The following KIF13A variants were observed in gnomAD, a reference collection of about 807,000 sequenced individuals.
KIF13A encodes kinesin-like protein KIF13A.
A neutral mutation model predicts 212.2 loss-of-function variants in KIF13A; 79 were observed. The ratio of observed to expected loss-of-function variants is 0.37; its 90% CI spans 0.31 to 0.45. The LOEUF is 0.45. KIF13A is among the 20% of genes least tolerant of loss of function. KIF13A has a pLI of 1.00. For synonymous variants in KIF13A, 789 were observed against 808.6 expected, an observed-to-expected ratio of 0.98 and a Z score of 0.41; for missense variants, 1,901 against 2,209.0, an observed-to-expected ratio of 0.86 and a Z score of 2.79.
At chr6:17,781,465 C>T (rs1241079478) in intron 29 of KIF13A, among the ~76,000 whole-genome samples, 164 bp from the exon 30 acceptor site, 2 of 152,018 alleles carry the variant, frequency 1.3e-5, no homozygotes, top group Admixed American at 1.3e-4. Flanking sequence ...CTCCAAGACT[C>T]ACAACAGCTT....
chr6:17,937,746 G>T (rs796075584), intron 2 of KIF13A, among the ~76,000 whole-genome samples: 12,348 of 135,500 alleles, frequency 0.091, 646 homozygotes, highest in African/African-American at 0.15. Flanking sequence ...TTCCTTTTTT[G>T]TTTTTTTTTT....
At chr6:17,950,508 T>C (rs1777755199) in intron 2 of KIF13A, 2 of 985,204 alleles carry the variant, frequency 2.0e-6, no homozygotes, top group African/African-American at 3.5e-5. Context: ...GACCAACAGA[T>C]AGAAGAACAT....
intron 33 of KIF13A, among the ~76,000 whole-genome samples, chr6:17,778,409 T>A (rs1012289527): frequency 6.6e-5 from 10 of 152,358 alleles, no homozygotes; most frequent in Admixed American, 4.6e-4. Context: ...TAATGTCAAC[T>A]ATTGCTCCTA....
At chr6:17,874,978 C>A (rs985713743) in intron 3 of KIF13A, among the ~76,000 whole-genome samples, 3 of 86,284 alleles carry the variant, frequency 3.5e-5, no homozygotes, top group Admixed American at 3.2e-4. Flanking sequence ...AGTATTCCAC[C>A]ACACACACAC....
rs1315445577 is a variant in KIF13A at position 17,872,454 on chromosome 6, A to G, written c.220+923T>C. Among the ~76,000 whole-genome samples the G allele has an allele frequency of 6.6e-6, 1 of 152,172 alleles. No individual in the cohort carries two copies. The highest frequency in any genetic ancestry group is 2.4e-5 in the African/African-American group (1 of 41,434). On this transcript the variant is annotated intron_variant, in intron 4 of 38. Transcript: ENST00000259711. The surrounding 1 kb of genome is among the most constrained non-coding windows in gnomAD (Gnocchi z 4.7). ...AACACGGTGACTATAGTTAATAACA[A>G]CGTACTGTATTCCTGAAAATTGCTA...
chr6:17,929,277 A>G (rs943289891), intron 2 of KIF13A, among the ~76,000 whole-genome samples: 49 of 152,006 alleles, frequency 3.2e-4, no homozygotes, highest in Admixed American at 2.4e-3. Context: ...CTCTGTCACC[A>G]AGGCAAGGCT....
rs766318604 is a variant in KIF13A, at chr6:17,855,495, C to T, written c.436G>A (p.Glu146Lys). The part of the protein sequence containing the change: ...EQNESQTFKV[E>K]VSYMEIYNEK... ...TTATAAATTTCCATATAGGACACTT[C>T]AACTTTAAAGGTCTGTGACTCATTT... The change falls in exon 6 of 39, where the codon GAA becomes AAA. Residue 146 changes from glutamate (E) to lysine (K), a missense_variant. Glu to Lys is a moderately conservative substitution (Grantham distance 56). Coordinates refer to ENST00000259711, the MANE Select transcript of KIF13A (RefSeq NM_022113.6). This position sits in a 1 kb window ranked among gnomAD's most constrained non-coding sequence, Gnocchi z 4.1. 11 of 1,613,756 alleles carry T rather than the reference C, an allele frequency of 6.8e-6. No homozygotes were observed. The South Asian group carries it at 1.1e-4, about 16-fold the overall frequency.
At position 17,826,033 on chromosome 6, in the gene KIF13A, G is replaced by T. The variant is rs754037640; in HGVS notation, c.1619+5C>A. The T allele has an allele frequency of 3.0e-5, 49 of 1,613,200 alleles. No individual in the cohort carries two copies. Among genetic ancestry groups the T allele is most frequent in the Admixed American group, 1.7e-4 (10 of 59,996 alleles). On this transcript the variant is annotated splice_donor_5th_base_variant and intron_variant, in intron 15 of 38. Coordinates refer to ENST00000259711, the MANE Select transcript of KIF13A (RefSeq NM_022113.6). The surrounding 1 kb of genome is among the most constrained non-coding windows in gnomAD (Gnocchi z 4.7). Reference sequence around the variant, plus strand: ...AAAATATATTACAGAACACAAAGATGTTACCTAAAAAAGTGATTATTTCCC... The same window carrying T: ...AAAATATATTACAGAACACAAAGATTTTACCTAAAAAAGTGATTATTTCCC...
At position 17,778,997 on chromosome 6, in the gene KIF13A, G is replaced by A. The variant is rs774244288; in HGVS notation, c.4042C>T (p.Arg1348Ter). The change falls in exon 33 of 39, where the codon CGA (arginine) becomes TGA (stop). Residue 1348 changes from arginine to a stop codon, truncating the protein, a stop_gained. Transcript: ENST00000259711. LOFTEE classifies it high-confidence loss of function. Reference protein sequence around the residue: ...DGETYIEKYTRGVLQVENILS... With the variant: ...DGETYIEKYT ...ATGTTTTCCACCTGCAGCACGCCTC[G>A]AGTGTACTTCTCAATGTACGTCTCC... 3.1e-6 allele frequency: 5 copies of A among 1,612,742 alleles called. No homozygotes were observed. The highest frequency in any genetic ancestry group is 2.2e-5 in the East Asian group (1 of 44,848).
In KIF13A at chr6:17,764,120, C is replaced by T. The variant is rs1212497603; in HGVS notation, c.5408G>A (p.Cys1803Tyr). ...IIPEAAFWVL[C>Y]CQ ...TACAGTTAGACATACTCATTGACAGCACAGAACCCAAAAGGCTGCCTCTGG... is the reference window on the plus strand; with the variant it reads ...TACAGTTAGACATACTCATTGACAGTACAGAACCCAAAAGGCTGCCTCTGG... The change falls in exon 39 of 39, where the codon TGC becomes TAC. Residue 1803 changes from cysteine to tyrosine, a missense_variant. By Grantham distance (194) the Cys-to-Tyr change is radical. Transcript: ENST00000259711. The surrounding 1 kb of genome is among the most constrained non-coding windows in gnomAD (Gnocchi z 5.1). 2 of 1,613,604 alleles carry T rather than the reference C, an allele frequency of 1.2e-6. No homozygotes were observed. The highest frequency in any genetic ancestry group is 8.5e-7 in the Non-Finnish European group (1 of 1,179,758).
chr6:17,804,793 GCGAGA>G (rs1762791162), intron 19 of KIF13A, among the ~76,000 whole-genome samples: 2 of 109,110 alleles, frequency 1.8e-5, no homozygotes, highest in Non-Finnish European at 3.4e-5. Flanking sequence ...GAGTGACAGA[GCGAGA>G]CTCTGTCTCC....
intron 34 of KIF13A, 98 bp from the exon 35 acceptor site, chr6:17,775,160 G>T: frequency 2.2e-6 from 2 of 922,878 alleles, no homozygotes; most frequent in Non-Finnish European, 3.3e-6. Context: ...GAAGCCTGCA[G>T]TCTTCATTCT....
At chr6:17,848,558 CTTTTTTTTTT>C (rs66477046) in intron 9 of KIF13A, among the ~76,000 whole-genome samples, 155 of 68,908 alleles carry the variant, frequency 2.2e-3, no homozygotes, top group African/African-American at 7.8e-3. Context: ...ACTCGTACAT[CTTTTTTTTTT>C]TTTTTTTTTT....
At chr6:17,788,794 G>A (rs571036329) in intron 26 of KIF13A, among the ~76,000 whole-genome samples, 3 of 152,112 alleles carry the variant, frequency 2.0e-5, no homozygotes, top group South Asian at 4.2e-4. Flanking sequence ...GCACAATCTC[G>A]GCTCACTGCA....
chr6:17,850,888 T>C lies in KIF13A; in HGVS notation c.583-431A>G, dbSNP rs1767576069. On this transcript the variant is annotated intron_variant, in intron 7 of 38. Coordinates refer to ENST00000259711, the MANE Select transcript of KIF13A (RefSeq NM_022113.6). This position sits in a 1 kb window ranked among gnomAD's most constrained non-coding sequence, Gnocchi z 6.2. Reference sequence around the variant, plus strand: ...AGGGTTTTTTCCTTATTCCACTTTGTACACTTGCTCCTAGAATGCCTAGAG... The same window carrying C: ...AGGGTTTTTTCCTTATTCCACTTTGCACACTTGCTCCTAGAATGCCTAGAG... Among the ~76,000 whole-genome samples, 1 of 152,228 alleles carries C rather than the reference T, an allele frequency of 6.6e-6. No homozygotes were observed. Among genetic ancestry groups the C allele is most frequent in the South Asian group, 2.1e-4 (1 of 4,824 alleles).
chr6:17,820,551 C>T (rs1040862281), intron 16 of KIF13A, among the ~76,000 whole-genome samples: 3 of 152,286 alleles, frequency 2.0e-5, no homozygotes, highest in Admixed American at 6.5e-5. Flanking sequence ...AGGACGGAAG[C>T]CAAAGATTAT....
Position 17,831,188 on chromosome 6 carries a change from G to A in KIF13A, c.1314C>T (p.Ser438=), listed in dbSNP as rs2277080. ...ATTTGTCATCCCCCACCTTGATACC[G>A]GACATCTCCAGGGAAATCCCCATGC... ...LESMGISLEM[S]GIKVGDDKCY... Residue 438 remains serine (S), a synonymous_variant, in exon 13 of 39, where the codon TCC becomes TCT. Coordinates refer to ENST00000259711, the MANE Select transcript of KIF13A (RefSeq NM_022113.6). 457,885 of 1,612,784 alleles carry A rather than the reference G, an allele frequency of 0.28. 67,223 individuals are homozygous for A. The highest frequency in any genetic ancestry group is 0.39 in the South Asian group (35,204 of 90,976).
intron 26 of KIF13A, among the ~76,000 whole-genome samples, chr6:17,788,139 C>A (rs1761216799): frequency 6.6e-6 from 1 of 152,022 alleles, no homozygotes; most frequent in Admixed American, 6.6e-5. Context: ...TCAAACTATA[C>A]CAGCTGTCAG....
chr6:17,965,187 CAAG>C (rs557679165), intron 2 of KIF13A, among the ~76,000 whole-genome samples: 3 of 152,058 alleles, frequency 2.0e-5, no homozygotes, highest in Non-Finnish European at 4.4e-5. Context: ...ACAAGCTTTC[CAAG>C]AAGTCTGGAT....
Sources: allele counts gnomAD v4.1 joint callset (sites outside exome capture counted in the v4.1 genomes callset), GRCh38; gene constraint gnomAD v4.1.1; non-coding constraint Gnocchi (gnomAD v3.1); transcripts MANE v1.5; gene names NCBI Gene and HGNC (gene_info 2026-07-23, HGNC 2026-07-21).